PM20D2: variants seen among roughly 807,000 people sequenced by gnomAD.
PM20D2 encodes the protein xaa-Arg dipeptidase.
PM20D2 carries 33 observed loss-of-function variants against 42.9 expected under a neutral mutation model. The ratio of observed to expected loss-of-function variants is 0.77; its 90% CI spans 0.58 to 1.03. The LOEUF (loss-of-function observed/expected upper bound fraction) is 1.03. Among genes scored for constraint, PM20D2 ranks in the 50% least tolerant of loss-of-function variants. PM20D2 has a pLI of 0.00. For synonymous variants in PM20D2, 250 were observed against 228.2 expected (o/e 1.10, Z -0.86); for missense variants, 548 against 557.0 (o/e 0.98, Z 0.16).
chr6:89,146,245 C>A lies in PM20D2; in HGVS notation c.101C>A (p.Ala34Glu). 1 of 1,578,272 alleles carries A rather than the reference C, an allele frequency of 6.3e-7. No individual in the cohort carries two copies. The highest frequency in any genetic ancestry group is 8.5e-7 in the Non-Finnish European group (1 of 1,169,954). Residue 34 changes from alanine to glutamate, a missense_variant, in exon 1 of 7, where the codon GCG becomes GAG. Around this residue, in one of 3 missense-constraint regions of PM20D2, gnomAD observed 470 missense variants for 464.4 expected, o/e 1.01. Coordinates refer to ENST00000275072, the MANE Select transcript of PM20D2 (RefSeq NM_001010853.3). ...KLRSAECIDE[A>E]AERLGALSRA... ...CGCTCGGCGGAGTGCATCGACGAGG[C>A]GGCCGAGCGGCTGGGGGCCCTGAGC...
chr6:89,159,500 G>C (rs1771163244), intron 5 of PM20D2, among the ~76,000 whole-genome samples: 1 of 152,196 alleles, frequency 6.6e-6, no homozygotes, highest in South Asian at 2.1e-4. Flanking sequence ...AGTGGTACCA[G>C]ATGCTGGGTC....
chr6:89,163,117 A>G lies in PM20D2; in HGVS notation c.*854A>G, dbSNP rs1490840400. 1 of 152,150 alleles carries G rather than the reference A, an allele frequency of 6.6e-6. No homozygotes were observed. Among genetic ancestry groups the G allele is most frequent in the African/African-American group, 2.4e-5 (1 of 41,438 alleles). 9.4% of individuals were successfully genotyped at this position (152,150 alleles called of 1,614,324 possible). A position where few individuals can be genotyped will look rare whatever the true frequency, so the allele number is the denominator to read the frequency against. ...TGTGTTGGTATTTTTAAATTGTTACAGTATCTAGCATATTGCTTACTCTGA... is the reference window on the plus strand; with the variant it reads ...TGTGTTGGTATTTTTAAATTGTTACGGTATCTAGCATATTGCTTACTCTGA... On this transcript the variant is annotated 3_prime_UTR_variant, in exon 7 of 7. Coordinates refer to ENST00000275072, the MANE Select transcript of PM20D2 (RefSeq NM_001010853.3).
the PM20D2 span, among the ~76,000 whole-genome samples, chr6:89,130,814 T>TGCTGC: frequency 7.7e-6 from 1 of 130,228 alleles, no homozygotes; most frequent in African/African-American, 2.9e-5. Context: ...ATCTGGCTTC[T>TGCTGC]TCTTCTTTTT....
chr6:89,130,635 G>T, the PM20D2 span, among the ~76,000 whole-genome samples: 1 of 145,266 alleles, frequency 6.9e-6, no homozygotes, highest in Non-Finnish European at 1.5e-5. Context: ...GAACTTTTTT[G>T]TTTTAATAGA....
the PM20D2 span, chr6:89,098,653 T>C: frequency 4.2e-5 from 68 of 1,613,940 alleles, no homozygotes; most frequent in Middle Eastern, 1.6e-4. Flanking sequence ...CTGTTTGTAC[T>C]TTAGTTTCAG....
At chr6:89,116,786 A>AT in the PM20D2 span, among the ~76,000 whole-genome samples, 22 of 152,120 alleles carry the variant, frequency 1.4e-4, no homozygotes, top group African/African-American at 5.1e-4. Context: ...AAAAAAAAAA[A>AT]AAAACTAAAA....
intron 2 of PM20D2, among the ~76,000 whole-genome samples, chr6:89,152,026 T>C (rs1299807436): frequency 6.6e-6 from 1 of 151,056 alleles, no homozygotes; most frequent in Non-Finnish European, 1.5e-5. Context: ...ACTTGGGAGG[T>C]GGTGACTGCA....
At chr6:89,109,057 G>C in the PM20D2 span, among the ~76,000 whole-genome samples, 1 of 152,114 alleles carries the variant, frequency 6.6e-6, no homozygotes, top group African/African-American at 2.4e-5. Context: ...CCATGTGCCA[G>C]GCTCTAGGAA....
intron 1 of PM20D2, 92 bp downstream of exon 1, chr6:89,146,701 C>T: frequency 2.8e-6 from 3 of 1,072,214 alleles, no homozygotes; most frequent in Non-Finnish European, 3.7e-6. Context: ...CCGCGCGCCT[C>T]GGTGCCCTCC....
In PM20D2 at chr6:89,152,511, A is replaced by C. The variant is rs1329282891; in HGVS notation, c.615-532A>C. Reference sequence around the variant, plus strand: ...AGTGATGTAGGCATTTTGGAACATAATAAAATATTGGATATTGGTCAGGAA... The same window carrying C: ...AGTGATGTAGGCATTTTGGAACATACTAAAATATTGGATATTGGTCAGGAA... On this transcript the variant is annotated intron_variant, in intron 2 of 6. Transcript: ENST00000275072. Among the ~76,000 whole-genome samples, 3 of 152,174 alleles carry C rather than the reference A, an allele frequency of 2.0e-5. No individual in the cohort carries two copies. The East Asian group carries it at 5.8e-4, about 29-fold the overall frequency.
chr6:89,096,830 T>C, the PM20D2 span: 1 of 152,234 alleles, frequency 6.6e-6, no homozygotes, highest in Admixed American at 6.5e-5. Context: ...CTTATGTGTA[T>C]GAACCCAAAC....
chr6:89,152,224 G>T (rs571455409), intron 2 of PM20D2, among the ~76,000 whole-genome samples: 1 of 152,108 alleles, frequency 6.6e-6, no homozygotes, highest in Non-Finnish European at 1.5e-5. Context: ...AGAATGTCTG[G>T]AATCAGTTGA....
At chr6:89,098,709 A>G in the PM20D2 span, 1 of 1,613,970 alleles carries the variant, frequency 6.2e-7, no homozygotes. Context: ...CTTGCTATTG[A>G]GTCAGAATGT....
upstream of PM20D2, among the ~76,000 whole-genome samples, chr6:89,142,639 CT>C (rs1770364919): frequency 4.6e-5 from 7 of 152,050 alleles, no homozygotes; most frequent in South Asian, 1.5e-3. Context: ...CTTTTTATTC[CT>C]TTCCCCCACA....
In PM20D2 at chr6:89,158,312, A is replaced by G; in HGVS notation, c.913-13A>G. 1.9e-6 allele frequency: 3 copies of G among 1,564,004 alleles called. No homozygotes were observed. The highest frequency in any genetic ancestry group is 2.6e-6 in the Non-Finnish European group (3 of 1,161,548). On this transcript the variant is annotated splice_polypyrimidine_tract_variant and intron_variant, in intron 4 of 6. Transcript: ENST00000275072. The stretch of plus-strand genomic sequence containing the variant: ...TTTTTTATTTCAAAATTTGTTTTGC[A>G]ATTTTTTATTAGGTGGAAATTAAAG...
intron 5 of PM20D2, among the ~76,000 whole-genome samples, chr6:89,160,794 AAGTAAGGCTTT>A: frequency 6.6e-6 from 1 of 152,224 alleles, no homozygotes; most frequent in African/African-American, 2.4e-5. Flanking sequence ...AAGGTGAAGT[AAGTAAGGCTTT>A]GCTGAGGAAA....
the PM20D2 span, chr6:89,105,078 G>C: frequency 1.3e-6 from 2 of 1,544,168 alleles, no homozygotes; most frequent in Admixed American, 2.0e-5. Context: ...CTATTTCCCA[G>C]AAAAAGTAGA....
chr6:89,095,158 AC>A, the PM20D2 span, among the ~76,000 whole-genome samples: 2 of 152,226 alleles, frequency 1.3e-5, no homozygotes. Context: ...ATCTATCTAT[AC>A]AAGTACCCTA....
chr6:89,136,267 C>G, the PM20D2 span, among the ~76,000 whole-genome samples: 1 of 151,276 alleles, frequency 6.6e-6, no homozygotes, highest in Non-Finnish European at 1.5e-5. Context: ...TTACCAAGAA[C>G]ATGAGTTAAA....
Sources: allele counts gnomAD v4.1 joint callset (sites outside exome capture counted in the v4.1 genomes callset), GRCh38; gene constraint gnomAD v4.1.1; regional missense constraint gnomAD v4.1.1; transcripts MANE v1.5; gene names NCBI Gene and HGNC (gene_info 2026-07-23, HGNC 2026-07-21).